PLPP3: variants seen among roughly 807,000 people sequenced by gnomAD.
PLPP3 encodes phospholipid phosphatase 3.
PLPP3 carries 6 observed loss-of-function variants against 29.6 expected under a neutral mutation model. That is an observed-to-expected ratio of 0.20 (90% CI 0.11 to 0.40). The LOEUF (loss-of-function observed/expected upper bound fraction) is 0.40. Among genes scored for constraint, PLPP3 ranks in the 10% least tolerant of loss-of-function variants. PLPP3 has a pLI of 1.00. For synonymous variants in PLPP3, 152 were observed against 159.7 expected (o/e 0.95, Z 0.36); for missense variants, 308 against 407.7 (o/e 0.76, Z 2.11).
chr1:56,546,250 G>A (rs1457295662), intron 1 of PLPP3, among the ~76,000 whole-genome samples: 1 of 152,142 alleles, frequency 6.6e-6, no homozygotes, highest in East Asian at 1.9e-4. Flanking sequence ...CTGACATGAA[G>A]GCTGTCTGTG....
chr1:56,553,621 GT>G (rs1213908906), intron 1 of PLPP3, among the ~76,000 whole-genome samples: 2 of 152,108 alleles, frequency 1.3e-5, no homozygotes, highest in African/African-American at 2.4e-5. Flanking sequence ...CATTGCTGGA[GT>G]TTCCCTACAT....
intron 4 of PLPP3, among the ~76,000 whole-genome samples, chr1:56,515,004 AATC>A (rs913396867): frequency 1.3e-5 from 2 of 152,194 alleles, no homozygotes; most frequent in African/African-American, 2.4e-5. Flanking sequence ...AAGAACAAGG[AATC>A]ATCCACTTGC....
In PLPP3 at chr1:56,545,310, T is replaced by C. The variant is rs139196152; in HGVS notation, c.140-8198A>G. 9.1e-4 allele frequency among the ~76,000 whole-genome samples: 138 copies of C among 152,242 alleles called. 1 individual carries two copies. The Middle Eastern group carries it at 0.017, about 19-fold the overall frequency. ...GCACATTAATTCCCAATGTACAGAGTTGATTAGGAGGACTAAGATGTAGTT... is the reference window on the plus strand; with the variant it reads ...GCACATTAATTCCCAATGTACAGAGCTGATTAGGAGGACTAAGATGTAGTT... On this transcript the variant is annotated intron_variant, in intron 1 of 5. Coordinates refer to ENST00000371250, the MANE Select transcript of PLPP3 (RefSeq NM_003713.5).
At chr1:56,523,911 C>A in intron 3 of PLPP3, 31 bp from the exon 4 acceptor site, 2 of 1,603,450 alleles carry the variant, frequency 1.2e-6, no homozygotes, top group Non-Finnish European at 1.7e-6. Flanking sequence ...CATGAAAGGG[C>A]CGTATTCACA....
At chr1:56,497,457 T>C (rs1645637763) in intron 5 of PLPP3, among the ~76,000 whole-genome samples, 1 of 152,230 alleles carries the variant, frequency 6.6e-6, no homozygotes, top group Admixed American at 6.5e-5. Context: ...GAAAAATTTA[T>C]GCTTTGTATT....
chr1:56,540,125 G>A (rs1442051736), intron 1 of PLPP3, among the ~76,000 whole-genome samples: 1 of 152,138 alleles, frequency 6.6e-6, no homozygotes, highest in African/African-American at 2.4e-5. Flanking sequence ...TACTACTTGA[G>A]TAAGTTATTT....
rs533907779 is a variant in PLPP3, at chr1:56,576,388, G to A, written c.139+2490C>T. ...ATTTTTTTTAGGACTGTGGTGTGCG[G>A]AATATTAAAATCACATGTTGTGCTA... is the stretch of plus-strand genomic sequence containing the variant. On this transcript the variant is annotated intron_variant, in intron 1 of 5. Coordinates refer to ENST00000371250, the MANE Select transcript of PLPP3 (RefSeq NM_003713.5). Among the ~76,000 whole-genome samples the A allele has an allele frequency of 3.3e-5, 5 of 152,312 alleles. No individual in the cohort carries two copies. The South Asian group carries it at 8.3e-4, about 25-fold the overall frequency.
intron 1 of PLPP3, among the ~76,000 whole-genome samples, chr1:56,568,160 G>A (rs1012831664): frequency 2.0e-5 from 3 of 152,134 alleles, no homozygotes; most frequent in African/African-American, 7.2e-5. Context: ...AATGGGGAGT[G>A]ACTGGTAGTG....
chr1:56,517,248 T>C (rs1477071798), intron 4 of PLPP3, among the ~76,000 whole-genome samples: 1 of 152,250 alleles, frequency 6.6e-6, no homozygotes, highest in Non-Finnish European at 1.5e-5. Flanking sequence ...ACTTTCTCCC[T>C]TCTCTAATTT....
chr1:56,572,383 T>C (rs1410678435), intron 1 of PLPP3, among the ~76,000 whole-genome samples: 1 of 152,146 alleles, frequency 6.6e-6, no homozygotes, highest in Non-Finnish European at 1.5e-5. Flanking sequence ...TCCTCTGGGC[T>C]GTTGAATGAC....
rs1557513683 is a variant in PLPP3 at position 56,557,030 on chromosome 1, G to GAGAA, written c.140-19919_140-19918insTTCT. Among the ~76,000 whole-genome samples the GAGAA allele has an allele frequency of 1.0e-4, 2 of 19,474 alleles. 1 individual carries two copies. The highest frequency in any genetic ancestry group is 3.0e-4 in the Non-Finnish European group (2 of 6,626). The allele number at this position is 19,474 out of a possible 152,430, so 12.8% of individuals were successfully genotyped here. A position where few individuals can be genotyped will look rare whatever the true frequency, so the allele number is the denominator to read the frequency against. On this transcript the variant is annotated intron_variant, in intron 1 of 5. Coordinates refer to ENST00000371250, the MANE Select transcript of PLPP3 (RefSeq NM_003713.5). ...AGAAAGAGAGAGAGAGAGAGAAAGA[G>GAGAA]AGAGAGAGAGAGAGAGAGAGAGAGA...
chr1:56,517,145 C>T (rs374858785), intron 4 of PLPP3: 7 of 152,286 alleles, frequency 4.6e-5, no homozygotes, highest in East Asian at 3.9e-4. Context: ...GGGACAGCTC[C>T]GCTAAGAGTG....
intron 1 of PLPP3, among the ~76,000 whole-genome samples, chr1:56,551,290 GGTT>G (rs968856822): frequency 1.3e-5 from 2 of 148,286 alleles, no homozygotes; most frequent in Non-Finnish European, 3.0e-5. Context: ...GGTTTGGTTT[GGTT>G]CGGTTCGGTT....
intron 1 of PLPP3, among the ~76,000 whole-genome samples, chr1:56,545,918 T>G (rs1216263030): frequency 6.6e-6 from 1 of 152,080 alleles, no homozygotes; most frequent in East Asian, 1.9e-4. Flanking sequence ...TGGGAGGCCC[T>G]GCAAGAACAA....
At chr1:56,560,182 T>C (rs930720813) in intron 1 of PLPP3, among the ~76,000 whole-genome samples, 2 of 152,154 alleles carry the variant, frequency 1.3e-5, no homozygotes, top group Non-Finnish European at 2.9e-5. Flanking sequence ...CTCTCCCCAT[T>C]CATCATTAGA....
Position 56,495,444 on chromosome 1 carries a change from G to A in PLPP3, c.*1107C>T, listed in dbSNP as rs546724110. On this transcript the variant is annotated 3_prime_UTR_variant, in exon 6 of 6. Transcript: ENST00000371250. ...CAGAACCTACCAAGAACTGCCCTAG[G>A]GCTCAACCCCAAGACAATAGTGCTT... is the stretch of plus-strand genomic sequence containing the variant. The A allele has an allele frequency of 6.5e-6, 1 of 152,690 alleles. No homozygotes were observed. The highest frequency in any genetic ancestry group is 1.5e-5 in the Non-Finnish European group (1 of 68,034). The allele number at this position is 152,690 out of a possible 1,614,324, so 9.5% of individuals were successfully genotyped here. A position where few individuals can be genotyped will look rare whatever the true frequency, so the allele number is the denominator to read the frequency against.
rs202156325 is a variant in PLPP3 at position 56,537,090 on chromosome 1, G to C, written c.162C>G (p.Ile54Met). Residue 54 changes from isoleucine to methionine, a missense_variant, in exon 2 of 6, where the codon ATC (isoleucine) becomes ATG (methionine). This residue lies in a region of PLPP3 where 9 missense variants were observed against 29.3 expected (regional missense o/e 0.31). Coordinates refer to ENST00000371250, the MANE Select transcript of PLPP3 (RefSeq NM_003713.5). ...GGTAAGGCTTGATGGTGCTTGTCTC[G>C]ATGATGAGGAAGGGGAGGCCCGCTG... ...LFMAGLPFLIIETSTIKPYHR... is the reference protein window; with the variant it reads ...LFMAGLPFLIMETSTIKPYHR... 3.1e-6 allele frequency: 5 copies of C among 1,613,426 alleles called. No individual in the cohort carries two copies. In the South Asian group the frequency reaches 4.4e-5, roughly 14 times the overall value.
chr1:56,496,609 T>C lies in PLPP3; in HGVS notation c.878A>G (p.Lys293Arg). The part of the protein sequence containing the change: ...TLSLPAPAIR[K>R]EILSPVDIID... Reference sequence around the variant, plus strand: ...AATGTCCACAGGTGAAAGGATTTCCTTCCGGATAGCAGGGGCAGGCAGGGA... The same window carrying C: ...AATGTCCACAGGTGAAAGGATTTCCCTCCGGATAGCAGGGGCAGGCAGGGA... The change falls in exon 6 of 6, where the codon AAG becomes AGG. Residue 293 changes from lysine (K) to arginine (R), a missense_variant. By Grantham distance (26) the Lys-to-Arg change is conservative. This residue lies in a region of PLPP3 where 232 missense variants were observed against 317.2 expected (regional missense o/e 0.73). Transcript: ENST00000371250. 1 of 1,614,012 alleles carries C rather than the reference T, an allele frequency of 6.2e-7. No homozygotes were observed. Among genetic ancestry groups the C allele is most frequent in the East Asian group, 2.2e-5 (1 of 44,872 alleles).
At chr1:56,496,699 G>T in intron 5 of PLPP3, 23 bp from the exon 6 acceptor site, 1 of 1,612,146 alleles carries the variant, frequency 6.2e-7, no homozygotes, top group Non-Finnish European at 8.5e-7. Context: ...ATCAGAGATC[G>T]AAGTCAGTAA....
Sources: gnomAD v4.1 joint callset for allele counts (sites outside exome capture counted in the v4.1 genomes callset) on GRCh38, gnomAD v4.1.1 for gene constraint, gnomAD v4.1.1 regional missense constraint, MANE v1.5 for transcripts, NCBI Gene and HGNC (gene_info 2026-07-23, HGNC 2026-07-21) for gene names.